The following PCDHGA5 variants were observed in gnomAD, a reference collection of about 807,000 sequenced individuals.
The protein encoded by PCDHGA5 is protocadherin gamma-A5.
A neutral mutation model predicts 56.7 loss-of-function variants in PCDHGA5; 36 were observed. The observed-to-expected ratio is 0.64, with a 90% CI of 0.49 to 0.84. The LOEUF (loss-of-function observed/expected upper bound fraction) is 0.84. PCDHGA5 is among the 40% of genes least tolerant of loss of function. The pLI, the probability that PCDHGA5 is intolerant of heterozygous loss-of-function variation, is 0.00. For missense variants in PCDHGA5, 1,305 were observed against 1,201.5 expected (o/e 1.09, Z -1.27); for synonymous variants, 563 against 520.2 (o/e 1.08, Z -1.12).
intron 1 of PCDHGA5, chr5:141,388,678 C>T (rs1347655255): frequency 5.6e-6 from 9 of 1,613,818 alleles, no homozygotes; most frequent in Non-Finnish European, 7.6e-6. Flanking sequence ...CTACAGGTGA[C>T]TGCCACGGAC....
rs983317324 is a variant in PCDHGA5, at chr5:141,431,891, G to A, written c.2422-62916G>A. The stretch of plus-strand genomic sequence containing the variant: ...AAATGTAAATGACCAAGATTCTGAG[G>A]AAAACGGACAGGTGATCTGTTTCAT... On this transcript the variant is annotated intron_variant, in intron 1 of 3. Transcript: ENST00000518069. The surrounding 1 kb of genome is among the most constrained non-coding windows in gnomAD (Gnocchi z 4.8). 16 of 1,614,072 alleles carry A rather than the reference G, an allele frequency of 9.9e-6. No homozygotes were observed. The highest frequency in any genetic ancestry group is 2.7e-5 in the African/African-American group (2 of 74,934).
intron 1 of PCDHGA5, among the ~76,000 whole-genome samples, chr5:141,473,343 T>C (rs1309426537): frequency 6.6e-6 from 1 of 152,218 alleles, no homozygotes; most frequent in Non-Finnish European, 1.5e-5. Flanking sequence ...TGCTAGACAG[T>C]GAGGATGCAA....
At chr5:141,427,603 T>G in intron 1 of PCDHGA5, 2 of 681,440 alleles carry the variant, frequency 2.9e-6, no homozygotes, top group East Asian at 2.8e-5. Flanking sequence ...ACCCTACGCA[T>G]TGGTGAAGTC....
intron 2 of PCDHGA5, among the ~76,000 whole-genome samples, chr5:141,500,001 A>G (rs961582279): frequency 6.6e-5 from 10 of 151,914 alleles, no homozygotes; most frequent in African/African-American, 2.4e-4. Context: ...TGATTCTTTC[A>G]TAAGGTCCAC....
intron 1 of PCDHGA5, among the ~76,000 whole-genome samples, chr5:141,456,266 C>G (rs1273258132): frequency 6.6e-6 from 1 of 152,128 alleles, no homozygotes; most frequent in Non-Finnish European, 1.5e-5. Context: ...TTGCTTCTGG[C>G]TACTTCCTGC....
intron 1 of PCDHGA5, among the ~76,000 whole-genome samples, chr5:141,482,866 G>A (rs768388750): frequency 2.7e-5 from 4 of 150,296 alleles, no homozygotes; most frequent in Non-Finnish European, 4.4e-5. Flanking sequence ...GAGGTCAGGA[G>A]TTTGAAACCA....
intron 1 of PCDHGA5, chr5:141,414,054 G>T: frequency 6.2e-7 from 1 of 1,610,250 alleles, no homozygotes; most frequent in South Asian, 1.1e-5. Context: ...ACACGCAATT[G>T]TTGAAGTTCC....
At chr5:141,492,954 A>G (rs2099745299) in intron 1 of PCDHGA5, among the ~76,000 whole-genome samples, 1 of 152,212 alleles carries the variant, frequency 6.6e-6, no homozygotes, top group Non-Finnish European at 1.5e-5. Context: ...TGACCAAACT[A>G]TCTGACACTC....
intron 1 of PCDHGA5, chr5:141,410,939 C>T (rs960754863): frequency 5.1e-5 from 10 of 195,446 alleles, no homozygotes; most frequent in South Asian, 1.1e-4. Flanking sequence ...CTGCAACCTC[C>T]GCCTTCTGGG....
At chr5:141,400,178 T>G in intron 1 of PCDHGA5, 1 of 1,614,074 alleles carries the variant, frequency 6.2e-7, no homozygotes, top group Non-Finnish European at 8.5e-7. Context: ...CAGGCTGAGC[T>G]GCAGTTTTAC....
At chr5:141,396,502 C>T (rs982229069) in intron 1 of PCDHGA5, 2 of 152,106 alleles carry the variant, frequency 1.3e-5, no homozygotes, top group African/African-American at 4.8e-5. Flanking sequence ...CGCCTGTGGT[C>T]CCAGCTACTC....
At chr5:141,370,601 T>C in intron 1 of PCDHGA5, 1 of 1,614,004 alleles carries the variant, frequency 6.2e-7, no homozygotes. Flanking sequence ...TGCGGGTTAT[T>C]GCAGAGAAGA....
At chr5:141,371,448 G>A in intron 1 of PCDHGA5, 1 of 1,613,994 alleles carries the variant, frequency 6.2e-7, no homozygotes, top group Non-Finnish European at 8.5e-7. Flanking sequence ...CCTGGCTTCT[G>A]AATCCCAACA....
chr5:141,433,883 G>A (rs1051019240), intron 1 of PCDHGA5, among the ~76,000 whole-genome samples: 1 of 149,932 alleles, frequency 6.7e-6, no homozygotes, highest in Non-Finnish European at 1.5e-5. Flanking sequence ...ATCCATTGAT[G>A]ACACTTGCTT....
rs758993148 is a variant in PCDHGA5 at position 141,430,863 on chromosome 5, T to C, written c.2422-63944T>C. On this transcript the variant is annotated intron_variant, in intron 1 of 3. Transcript: ENST00000518069. Reference sequence around the variant, plus strand: ...GGATGCACCCAGATACGCTATTCAGTTCCGGAAGAGCTGGAGAAAGGCTCT... The same window carrying C: ...GGATGCACCCAGATACGCTATTCAGCTCCGGAAGAGCTGGAGAAAGGCTCT... 8 of 1,594,990 alleles carry C rather than the reference T, an allele frequency of 5.0e-6. No individual in the cohort carries two copies. In the South Asian group the frequency reaches 8.0e-5, roughly 16 times the overall value.
In PCDHGA5 at chr5:141,486,587, G is replaced by A. The variant is rs2099631441; in HGVS notation, c.2422-8220G>A. 6.2e-7 allele frequency: 1 copy of A among 1,613,478 alleles called. No homozygotes were observed. The highest frequency in any genetic ancestry group is 1.7e-5 in the Admixed American group (1 of 60,014). On this transcript the variant is annotated intron_variant, in intron 1 of 3. Coordinates refer to ENST00000518069, the MANE Select transcript of PCDHGA5 (RefSeq NM_018918.3). The surrounding 1 kb of genome is among the most constrained non-coding windows in gnomAD (Gnocchi z 5.0). ...TGTTCCTGAGAACAATCGCCCAGGGGACCTGCTTTGCTCCCTTGCAGCCTC... is the reference window on the plus strand; with the variant it reads ...TGTTCCTGAGAACAATCGCCCAGGGAACCTGCTTTGCTCCCTTGCAGCCTC...
chr5:141,390,060 C>G, intron 1 of PCDHGA5: 3 of 1,614,082 alleles, frequency 1.9e-6, no homozygotes, highest in Non-Finnish European at 2.5e-6. Flanking sequence ...GAGCTGCTTC[C>G]AGCCTGGTCT....
intron 1 of PCDHGA5, chr5:141,374,792 G>A (rs1588751016): frequency 6.2e-7 from 1 of 1,613,898 alleles, no homozygotes; most frequent in Non-Finnish European, 8.5e-7. Context: ...AGATGTGAAT[G>A]ACAACACTCC....
chr5:141,383,187 C>A (rs572411306), intron 1 of PCDHGA5: 2 of 1,614,076 alleles, frequency 1.2e-6, no homozygotes, highest in Non-Finnish European at 1.7e-6. Context: ...AAGAGATCTG[C>A]GCTCAGAGTG....
Sources: gnomAD v4.1 joint callset for allele counts (sites outside exome capture counted in the v4.1 genomes callset) on GRCh38, gnomAD v4.1.1 for gene constraint, Gnocchi (gnomAD v3.1) non-coding constraint, MANE v1.5 for transcripts, NCBI Gene and HGNC (gene_info 2026-07-23, HGNC 2026-07-21) for gene names.